The following ADGRL3 variants were observed in gnomAD, a reference collection of about 807,000 sequenced individuals.
The protein encoded by ADGRL3 is calcium-independent alpha-latrotoxin receptor 3.
ADGRL3 carries 62 observed loss-of-function variants against 153.5 expected under a neutral mutation model. The ratio of observed to expected loss-of-function variants is 0.40; its 90% CI spans 0.33 to 0.50. The LOEUF is 0.50. Among genes scored for constraint, ADGRL3 ranks in the 20% least tolerant of loss-of-function variants. ADGRL3 has a pLI of 0.47. For synonymous variants in ADGRL3, 710 were observed against 672.5 expected (o/e 1.06, Z -0.86); for missense variants, 1,641 against 1,859.4 (o/e 0.88, Z 2.16).
At chr4:61,376,657 C>T (rs2096606578) in intron 1 of ADGRL3, among the ~76,000 whole-genome samples, 1 of 152,164 alleles carries the variant, frequency 6.6e-6, no homozygotes, top group African/African-American at 2.4e-5. Flanking sequence ...CCATCAGTCA[C>T]ATCTGCTGTG....
intron 5 of ADGRL3, among the ~76,000 whole-genome samples, chr4:61,663,534 G>T (rs147445810): frequency 2.2e-3 from 341 of 152,238 alleles, no homozygotes; most frequent in African/African-American, 7.7e-3. Flanking sequence ...ACCACTCTGC[G>T]CCTGGCTCAC....
At chr4:61,595,064 A>C (rs952421187) in intron 5 of ADGRL3, among the ~76,000 whole-genome samples, 1 of 152,044 alleles carries the variant, frequency 6.6e-6, no homozygotes, top group African/African-American at 2.4e-5. Flanking sequence ...CCTTCAGGGA[A>C]GTGTATTGCC....
intron 2 of ADGRL3, chr4:61,427,833 A>T (rs937006481): frequency 6.6e-6 from 1 of 152,628 alleles, no homozygotes; most frequent in Non-Finnish European, 1.5e-5. Context: ...TCCCTCAGGG[A>T]CTGAGTGTGC....
chr4:61,344,025 A>G (rs767421416), intron 1 of ADGRL3, among the ~76,000 whole-genome samples: 1 of 152,194 alleles, frequency 6.6e-6, no homozygotes, highest in Non-Finnish European at 1.5e-5. Flanking sequence ...TATGCAGCAT[A>G]TCACCCACAA....
At chr4:61,732,719 A>T in intron 7 of ADGRL3, 35 bp from the exon 8 acceptor site, 1 of 1,170,328 alleles carries the variant, frequency 8.5e-7, no homozygotes, top group South Asian at 2.1e-5. Context: ...TGAAATTAAT[A>T]TATTTATTTA....
intron 8 of ADGRL3, among the ~76,000 whole-genome samples, chr4:61,794,079 A>G (rs1316411001): frequency 6.6e-6 from 1 of 152,226 alleles, no homozygotes; most frequent in African/African-American, 2.4e-5. Context: ...GTCGTAATTA[A>G]CTTTGCACAG....
At chr4:61,551,637 A>T (rs1279766302) in intron 4 of ADGRL3, among the ~76,000 whole-genome samples, 1 of 152,174 alleles carries the variant, frequency 6.6e-6, no homozygotes, top group African/African-American at 2.4e-5. Flanking sequence ...CCTTGGGTTG[A>T]TAAATCTCTA....
chr4:61,414,273 A>G (rs2097122451), intron 2 of ADGRL3, among the ~76,000 whole-genome samples: 1 of 152,234 alleles, frequency 6.6e-6, no homozygotes, highest in South Asian at 2.1e-4. Flanking sequence ...GTCTAATTAA[A>G]ATATGTAAAG....
intron 9 of ADGRL3, among the ~76,000 whole-genome samples, chr4:61,842,113 C>T (rs2098041872): frequency 6.6e-6 from 1 of 152,086 alleles, no homozygotes; most frequent in Non-Finnish European, 1.5e-5. Flanking sequence ...TAAAAAGGCA[C>T]TAGTGAATAA....
intron 8 of ADGRL3, among the ~76,000 whole-genome samples, chr4:61,746,340 C>G (rs1193439733): frequency 1.3e-5 from 2 of 152,098 alleles, no homozygotes; most frequent in African/African-American, 4.8e-5. Flanking sequence ...TTGAAGTCAG[C>G]TCTGCACCAA....
intron 23 of ADGRL3, among the ~76,000 whole-genome samples, chr4:62,031,956 T>TACACACACACACAC (rs146856591): frequency 1.5e-5 from 2 of 137,758 alleles, no homozygotes; most frequent in African/African-American, 5.2e-5. Flanking sequence ...GCATGAGTTA[T>TACACACACACACAC]ACACACACAC....
chr4:61,989,690 A>AT (rs1177896228), intron 19 of ADGRL3, among the ~76,000 whole-genome samples: 1 of 152,076 alleles, frequency 6.6e-6, no homozygotes, highest in Non-Finnish European at 1.5e-5. Flanking sequence ...TACCAGGACT[A>AT]TATCAGAGAT....
At chr4:61,329,019 T>C (rs2095519334) in intron 1 of ADGRL3, among the ~76,000 whole-genome samples, 1 of 152,124 alleles carries the variant, frequency 6.6e-6, no homozygotes, top group African/African-American at 2.4e-5. Context: ...GGCCTGAAAT[T>C]TGCATGCTTT....
chr4:61,592,047 G>A (rs2098971594), intron 5 of ADGRL3, among the ~76,000 whole-genome samples: 1 of 142,292 alleles, frequency 7.0e-6, no homozygotes, highest in African/African-American at 2.7e-5. Flanking sequence ...ACCGCACTTA[G>A]CCTGGGTGAC....
intron 3 of ADGRL3, among the ~76,000 whole-genome samples, chr4:61,516,256 G>T (rs749953583): frequency 2.6e-5 from 4 of 152,034 alleles, no homozygotes; most frequent in Non-Finnish European, 4.4e-5. Context: ...GTGTTAGCAA[G>T]ATGATCATAA....
In ADGRL3 at chr4:62,076,670, C is replaced by T. The variant is rs1219238687; in HGVS notation, c.*5762C>T. On this transcript the variant is annotated 3_prime_UTR_variant, in exon 27 of 27. Coordinates refer to ENST00000683033, the MANE Select transcript of ADGRL3 (RefSeq NM_001387552.1). ...TTCATTCTGCTAATTCCACGGGAAACATTAAATACTTTAAACACTCTTGAG... is the reference window on the plus strand; with the variant it reads ...TTCATTCTGCTAATTCCACGGGAAATATTAAATACTTTAAACACTCTTGAG... 5 of 151,924 alleles carry T rather than the reference C, an allele frequency of 3.3e-5. No individual in the cohort carries two copies. The highest frequency in any genetic ancestry group is 7.4e-5 in the Non-Finnish European group (5 of 67,872). The allele number at this position is 151,924 out of a possible 1,614,324, so 9.4% of individuals were successfully genotyped here. A position where few individuals can be genotyped will look rare whatever the true frequency, so the allele number is the denominator to read the frequency against.
chr4:61,536,301 C>A (rs1560801377), intron 4 of ADGRL3, among the ~76,000 whole-genome samples: 1 of 152,024 alleles, frequency 6.6e-6, no homozygotes, highest in East Asian at 1.9e-4. Context: ...TATCGCCAAG[C>A]ATATGGTCAG....
chr4:61,236,222 C>T (rs1203670849), intron 1 of ADGRL3, among the ~76,000 whole-genome samples: 1 of 151,998 alleles, frequency 6.6e-6, no homozygotes, highest in African/African-American at 2.4e-5. Context: ...GTTGGCCAGG[C>T]TGGTCTCGAA....
At chr4:61,941,350 T>G (rs1335104791) in intron 15 of ADGRL3, among the ~76,000 whole-genome samples, 1 of 105,064 alleles carries the variant, frequency 9.5e-6, no homozygotes, top group Non-Finnish European at 1.8e-5. Context: ...TAGTATAGTT[T>G]GAAGTCAGGT....
Sources: allele counts gnomAD v4.1 joint callset (sites outside exome capture counted in the v4.1 genomes callset), GRCh38; gene constraint gnomAD v4.1.1; transcripts MANE v1.5; gene names NCBI Gene and HGNC (gene_info 2026-07-23, HGNC 2026-07-21).